The following RFX3 variants were observed in gnomAD, a reference collection of about 807,000 sequenced individuals.
The protein encoded by RFX3 is transcription factor RFX3.
RFX3 carries 14 observed loss-of-function variants against 98.6 expected under a neutral mutation model. That is an observed-to-expected ratio of 0.14 (90% CI 0.09 to 0.22). The LOEUF (loss-of-function observed/expected upper bound fraction) is 0.22, where lower values mean the gene tolerates loss of function less well. Ranked by LOEUF, RFX3 falls within the 10% of genes least tolerant of loss-of-function variation. The probability of loss-of-function intolerance (pLI) is 1.00; values close to 1 mark genes in which losing one functional copy is unlikely to be tolerated. For synonymous variants in RFX3, 383 were observed against 328.4 expected (o/e 1.17, Z -1.80); for missense variants, 639 against 926.9 (o/e 0.69, Z 4.03).
At chr9:3,340,388 C>A (rs371545327) in intron 3 of RFX3, among the ~76,000 whole-genome samples, 4 of 152,054 alleles carry the variant, frequency 2.6e-5, no homozygotes, top group African/African-American at 9.7e-5. Context: ...GCAACAAAAG[C>A]CAAAATTGAC....
At chr9:3,273,456 T>C (rs914106312) in intron 9 of RFX3, among the ~76,000 whole-genome samples, 2 of 152,184 alleles carry the variant, frequency 1.3e-5, no homozygotes, top group Non-Finnish European at 2.9e-5. Flanking sequence ...CAAAGACTAT[T>C]TCAACCTTAT....
At chr9:3,360,441 C>T (rs949445768) in intron 2 of RFX3, among the ~76,000 whole-genome samples, 6 of 152,026 alleles carry the variant, frequency 3.9e-5, no homozygotes, top group Admixed American at 1.3e-4. Flanking sequence ...TTACCTAGTA[C>T]ACATCAGTAT....
chr9:3,398,922 A>AT (rs1259512993), intron 1 of RFX3, among the ~76,000 whole-genome samples: 94 of 148,190 alleles, frequency 6.3e-4, no homozygotes, highest in African/African-American at 2.2e-3. Context: ...AATAAAAAAA[A>AT]AAAAAAAAAA....
chr9:3,285,931 C>T (rs191689413), intron 7 of RFX3, among the ~76,000 whole-genome samples: 195 of 151,732 alleles, frequency 1.3e-3, no homozygotes, highest in African/African-American at 4.5e-3. Flanking sequence ...AAGTACTGGG[C>T]CTTACTTATG....
intron 1 of RFX3, among the ~76,000 whole-genome samples, chr9:3,466,602 G>C (rs938437796): frequency 2.0e-5 from 3 of 152,240 alleles, no homozygotes; most frequent in Admixed American, 2.0e-4. Context: ...GTAGCAGTAG[G>C]AATGGAAGCC....
At chr9:3,519,128 G>C in intron 1 of RFX3, among the ~76,000 whole-genome samples, 1 of 152,176 alleles carries the variant, frequency 6.6e-6, no homozygotes, top group East Asian at 1.9e-4. Context: ...GAGTATAACA[G>C]ATAATGACAT....
At chr9:3,465,521 C>T (rs1236267066) in intron 1 of RFX3, among the ~76,000 whole-genome samples, 1 of 143,516 alleles carries the variant, frequency 7.0e-6, no homozygotes, top group African/African-American at 2.6e-5. Context: ...CCAGCCTGGT[C>T]TTGAACTCCC....
At chr9:3,403,799 A>C (rs980565427) in intron 1 of RFX3, among the ~76,000 whole-genome samples, 2 of 152,212 alleles carry the variant, frequency 1.3e-5, no homozygotes, top group African/African-American at 2.4e-5. Context: ...TTACAGAGCC[A>C]CAAAAGAAAC....
chr9:3,271,294 T>G (rs1353386598), intron 9 of RFX3, among the ~76,000 whole-genome samples, 176 bp from the exon 10 acceptor site: 2 of 151,166 alleles, frequency 1.3e-5, no homozygotes, highest in African/African-American at 4.9e-5. Context: ...AAAAAGAAAC[T>G]AGCTAGGAAG....
At chr9:3,444,673 G>C (rs1464403274) in intron 1 of RFX3, among the ~76,000 whole-genome samples, 4 of 152,150 alleles carry the variant, frequency 2.6e-5, no homozygotes, top group African/African-American at 7.2e-5. Context: ...CCTCAAAAAA[G>C]GAATCCTGGC....
At chr9:3,238,217 A>G (rs1819441575) in intron 15 of RFX3, among the ~76,000 whole-genome samples, 1 of 152,202 alleles carries the variant, frequency 6.6e-6, no homozygotes, top group South Asian at 2.1e-4. Context: ...AAAATGAAAT[A>G]AATGCCTCTA....
intron 3 of RFX3, among the ~76,000 whole-genome samples, chr9:3,343,780 A>G (rs1834149397): frequency 6.6e-6 from 1 of 152,164 alleles, no homozygotes; most frequent in African/African-American, 2.4e-5. Context: ...AAAAGTGCAC[A>G]TTTGTGACAT....
intron 1 of RFX3, among the ~76,000 whole-genome samples, chr9:3,501,181 C>A (rs886357708): frequency 3.9e-5 from 6 of 152,140 alleles, no homozygotes; most frequent in African/African-American, 1.4e-4. Flanking sequence ...ACTAGTAACA[C>A]CCTATTACAT....
intron 1 of RFX3, among the ~76,000 whole-genome samples, chr9:3,484,945 A>G (rs28447472): frequency 3.0e-5 from 4 of 135,332 alleles, no homozygotes; most frequent in Non-Finnish European, 6.4e-5. Flanking sequence ...AAAGAAAAGG[A>G]AAAAAAAAAG....
intron 1 of RFX3, among the ~76,000 whole-genome samples, chr9:3,408,835 T>A (rs1842214921): frequency 1.3e-5 from 2 of 152,172 alleles, no homozygotes; most frequent in Non-Finnish European, 2.9e-5. Flanking sequence ...CACTACTGCC[T>A]CTTTTTCCCC....
intron 1 of RFX3, among the ~76,000 whole-genome samples, chr9:3,494,832 A>C (rs1375547352): frequency 6.6e-6 from 1 of 152,066 alleles, no homozygotes; most frequent in Non-Finnish European, 1.5e-5. Flanking sequence ...TGAAGTTATG[A>C]AGAAAATGCA....
intron 1 of RFX3, among the ~76,000 whole-genome samples, chr9:3,505,568 C>T (rs1817003581): frequency 6.8e-6 from 1 of 147,676 alleles, no homozygotes; most frequent in Non-Finnish European, 1.5e-5. Context: ...TGTGTGAGGA[C>T]AGATGTAAAA....
At chr9:3,451,515 GC>G (rs1846636296) in intron 1 of RFX3, among the ~76,000 whole-genome samples, 1 of 152,186 alleles carries the variant, frequency 6.6e-6, no homozygotes, top group South Asian at 2.1e-4. Flanking sequence ...CTGCACTCCA[GC>G]CTGGGCAACA....
chr9:3,400,826 AT>A (rs753989425), intron 1 of RFX3, among the ~76,000 whole-genome samples: 57 of 152,236 alleles, frequency 3.7e-4, no homozygotes, highest in Admixed American at 6.5e-4. Context: ...TGGAGGTGTT[AT>A]CCCCATTTAA....
Sources: gnomAD v4.1 joint callset for allele counts (sites outside exome capture counted in the v4.1 genomes callset) on GRCh38, gnomAD v4.1.1 for gene constraint, MANE v1.5 for transcripts, NCBI Gene and HGNC (gene_info 2026-07-23, HGNC 2026-07-21) for gene names.